Variants in IQCH observed in about 807,000 individuals in gnomAD.
IQCH encodes the protein IQ motif containing H, also known as IQ domain-containing protein H.
IQCH carries 98 observed loss-of-function variants against 117.0 expected under a neutral mutation model. The observed-to-expected ratio is 0.84, with a 90% confidence interval of 0.71 to 0.99. The LOEUF is 0.99. Ranked by LOEUF, IQCH falls within the 50% of genes least tolerant of loss-of-function variation. The pLI, the probability that IQCH is intolerant of heterozygous loss-of-function variation, is 0.00. For synonymous variants in IQCH, 412 were observed against 448.2 expected (o/e 0.92, Z 1.02); for missense variants, 1,102 against 1,243.8 (o/e 0.89, Z 1.72).
chr15:67,485,209 A>G (rs985185770), intron 18 of IQCH, among the ~76,000 whole-genome samples: 1 of 152,234 alleles, frequency 6.6e-6, no homozygotes, highest in Non-Finnish European at 1.5e-5. Context: ...TAATATGTTC[A>G]TGTCACCAAA....
intron 4 of IQCH, among the ~76,000 whole-genome samples, chr15:67,291,430 C>T (rs1283742849): frequency 6.6e-6 from 1 of 152,124 alleles, no homozygotes; most frequent in Non-Finnish European, 1.5e-5. Context: ...CCAGGATAAA[C>T]ACCAGCTCAC....
At chr15:67,340,940 G>A (rs1306528825) in intron 5 of IQCH, among the ~76,000 whole-genome samples, 1 of 152,168 alleles carries the variant, frequency 6.6e-6, no homozygotes, top group African/African-American at 2.4e-5. Context: ...CAGGCGCAGC[G>A]GCTCATGCCT....
At chr15:67,455,915 A>T (rs934801911) in intron 16 of IQCH, among the ~76,000 whole-genome samples, 8 of 152,360 alleles carry the variant, frequency 5.3e-5, no homozygotes, top group East Asian at 1.9e-4. Context: ...TTGTGTTTTC[A>T]TGTTTATTAT....
chr15:67,280,003 G>A (rs568599609), intron 4 of IQCH, among the ~76,000 whole-genome samples: 1 of 151,784 alleles, frequency 6.6e-6, no homozygotes, highest in South Asian at 2.1e-4. Context: ...GCGACAGAGC[G>A]AGACTCCGTC....
At chr15:67,377,198 T>C (rs763784024) in intron 10 of IQCH, among the ~76,000 whole-genome samples, 29 of 151,956 alleles carry the variant, frequency 1.9e-4, no homozygotes, top group Non-Finnish European at 3.7e-4. Flanking sequence ...TCAGATAGTA[T>C]TCCTAGATAT....
intron 4 of IQCH, among the ~76,000 whole-genome samples, chr15:67,314,645 A>C (rs1201127718): frequency 1.3e-5 from 2 of 152,186 alleles, no homozygotes; most frequent in Non-Finnish European, 2.9e-5. Flanking sequence ...CAGGCAGATA[A>C]TAAGTTACTG....
At chr15:67,398,614 G>T (rs1971542423) in intron 13 of IQCH, among the ~76,000 whole-genome samples, 1 of 152,054 alleles carries the variant, frequency 6.6e-6, no homozygotes, top group Non-Finnish European at 1.5e-5. Flanking sequence ...AGGAAGATTT[G>T]CTGGACAGAT....
At chr15:67,286,428 T>G (rs1319640018) in intron 4 of IQCH, among the ~76,000 whole-genome samples, 1 of 152,090 alleles carries the variant, frequency 6.6e-6, no homozygotes, top group Non-Finnish European at 1.5e-5. Flanking sequence ...TTTATTTCTT[T>G]CTCTTTTCTG....
At chr15:67,440,209 A>C (rs2082236487) in intron 16 of IQCH, among the ~76,000 whole-genome samples, 1 of 152,224 alleles carries the variant, frequency 6.6e-6, no homozygotes. Flanking sequence ...ACAAGCAAAG[A>C]GATTGAAGTG....
rs536799959 is a variant in IQCH at position 67,472,341 on chromosome 15, T to C, written c.2677-3355T>C. ...AGTTGGAAGGGTGCACTGAGCAAGT[T>C]TGGGGAGGTCTACCCACCACACCAG... On this transcript the variant is annotated intron_variant, in intron 17 of 20. Coordinates refer to ENST00000335894, the MANE Select transcript of IQCH (RefSeq NM_001031715.3). This position sits in a 1 kb window ranked among gnomAD's most constrained non-coding sequence, Gnocchi z 4.3. Among the ~76,000 whole-genome samples the C allele has an allele frequency of 2.0e-5, 3 of 151,922 alleles. No individual in the cohort carries two copies. The highest frequency in any genetic ancestry group is 1.9e-4 in the East Asian group (1 of 5,192).
chr15:67,372,709 T>C, intron 9 of IQCH, 47 bp downstream of exon 9: 2 of 1,499,716 alleles, frequency 1.3e-6, no homozygotes, highest in East Asian at 2.3e-5. Context: ...TTTCTAAACA[T>C]TTCGTGCTTG....
In IQCH at chr15:67,356,744, T is replaced by C. The variant is rs1009635662; in HGVS notation, c.638-601T>C. Reference sequence around the variant, plus strand: ...GGTAAAGGGCAGTCAGGTTTGCTGCTAGGCAGTAGGAGAGATGTGATTGAG... The same window carrying C: ...GGTAAAGGGCAGTCAGGTTTGCTGCCAGGCAGTAGGAGAGATGTGATTGAG... On this transcript the variant is annotated intron_variant, in intron 6 of 20. Coordinates refer to ENST00000335894, the MANE Select transcript of IQCH (RefSeq NM_001031715.3). The surrounding 1 kb of genome is among the most constrained non-coding windows in gnomAD (Gnocchi z 5.3). Among the ~76,000 whole-genome samples, 15 of 152,348 alleles carry C rather than the reference T, an allele frequency of 9.8e-5. No homozygotes were observed. The highest frequency in any genetic ancestry group is 9.2e-4 in the Admixed American group (14 of 15,296).
In IQCH at chr15:67,473,268, G is replaced by A. The variant is rs1219316372; in HGVS notation, c.2677-2428G>A. ...TGCTTCTGGGCTTTTCAGTGTGAAG[G>A]TGAGAGCATGGCCAGCCCAGTATGG... On this transcript the variant is annotated intron_variant, in intron 17 of 20. Transcript: ENST00000335894. The surrounding 1 kb of genome is among the most constrained non-coding windows in gnomAD (Gnocchi z 4.9). 6.6e-6 allele frequency among the ~76,000 whole-genome samples: 1 copy of A among 152,238 alleles called. No individual in the cohort carries two copies. Among genetic ancestry groups the A allele is most frequent in the Non-Finnish European group, 1.5e-5 (1 of 68,042 alleles).
At chr15:67,373,323 A>C in intron 9 of IQCH, 44 bp from the exon 10 acceptor site, 1 of 1,372,656 alleles carries the variant, frequency 7.3e-7, no homozygotes, top group Admixed American at 1.7e-5. Context: ...AGATGAATCC[A>C]CTACAGCTTC....
chr15:67,451,492 A>G (rs1160512790), intron 16 of IQCH, among the ~76,000 whole-genome samples: 1 of 152,146 alleles, frequency 6.6e-6, no homozygotes, highest in Non-Finnish European at 1.5e-5. Flanking sequence ...CCCAGTAGTC[A>G]TTCAGGAGCA....
intron 4 of IQCH, among the ~76,000 whole-genome samples, chr15:67,295,545 C>T (rs910594387): frequency 6.6e-6 from 1 of 152,140 alleles, no homozygotes; most frequent in Admixed American, 6.6e-5. Flanking sequence ...GGTAGGTCCA[C>T]ATATTGGGAT....
chr15:67,296,528 C>G (rs1458870308), intron 4 of IQCH, among the ~76,000 whole-genome samples: 3 of 151,902 alleles, frequency 2.0e-5, no homozygotes, highest in Non-Finnish European at 4.4e-5. Context: ...TAGAGGCAGG[C>G]CATCATGCAG....
rs1175337895 is a variant in IQCH, at chr15:67,406,433, GATCACTCGA to G, written c.2097+6129_2097+6137del. On this transcript the variant is annotated intron_variant, in intron 14 of 20. Coordinates refer to ENST00000335894, the MANE Select transcript of IQCH (RefSeq NM_001031715.3). The surrounding 1 kb of genome is among the most constrained non-coding windows in gnomAD (Gnocchi z 4.5). Reference sequence around the variant, plus strand: ...GCTACTTAGGAGCCTGAAGAAAGAGGATCACTCGAGCCCAGGAGTTTGAGGCTGCAATGA... The same window carrying G: ...GCTACTTAGGAGCCTGAAGAAAGAGGGCCCAGGAGTTTGAGGCTGCAATGA... The G allele has an allele frequency of 6.6e-6, 1 of 152,012 alleles. No individual in the cohort carries two copies. The highest frequency in any genetic ancestry group is 2.4e-5 in the African/African-American group (1 of 41,364). 9.4% of individuals were successfully genotyped at this position (152,012 alleles called of 1,614,324 possible).
chr15:67,304,383 C>T (rs930766499), intron 4 of IQCH: 1 of 1,534,458 alleles, frequency 6.5e-7, no homozygotes, highest in Non-Finnish European at 8.7e-7. Context: ...ATCCTGAAAA[C>T]ATCCACCACA....
Sources: allele counts gnomAD v4.1 joint callset (sites outside exome capture counted in the v4.1 genomes callset), GRCh38; gene constraint gnomAD v4.1.1; non-coding constraint Gnocchi (gnomAD v3.1); transcripts MANE v1.5; gene names NCBI Gene and HGNC (gene_info 2026-07-23, HGNC 2026-07-21).